COL6A3: variants seen among roughly 807,000 people sequenced by gnomAD.
The protein encoded by COL6A3 is collagen alpha-3(VI) chain.
In COL6A3, 137 loss-of-function variants were observed where a neutral mutation model predicts 274.1. The observed-to-expected ratio is 0.50, with a 90% confidence interval of 0.44 to 0.58. The LOEUF is 0.58. Ranked by LOEUF, COL6A3 falls within the 20% of genes least tolerant of loss-of-function variation. The pLI, the probability that COL6A3 is intolerant of heterozygous loss-of-function variation, is 0.00. For missense variants in COL6A3, 3,950 were observed against 4,124.9 expected (o/e 0.96, Z 1.16); for synonymous variants, 1,650 against 1,650.6 (o/e 1.00, Z 0.01).
At chr2:237,343,713 T>TAAAAAA in intron 36 of COL6A3, 1 of 149,524 alleles carries the variant, frequency 6.7e-6, no homozygotes, top group South Asian at 2.1e-4. Flanking sequence ...GGCATAGTTT[T>TAAAAAA]GGGGACCTCA....
rs111295967 is a variant in COL6A3, at chr2:237,377,176, C to T, written c.2666G>A (p.Arg889His). Residue 889 changes from arginine (R) to histidine (H), a missense_variant, in exon 7 of 44, where the codon CGT becomes CAT. By Grantham distance (29) the Arg-to-His change is conservative (BLOSUM62 0). Around this residue, in one of 5 missense-constraint regions of COL6A3, gnomAD observed 1,934 missense variants for 1,984.3 expected, o/e 0.97. Transcript: ENST00000295550. The part of the protein sequence containing the change: ...QYSDDVKVES[R>H]FDEHQSKPEI... ...AGGCTTACTCTGGTGCTCATCAAAA[C>T]GGGACTCCACCTTGACATCATCGCT... The T allele has an allele frequency of 3.0e-5, 49 of 1,614,158 alleles. No homozygotes were observed. Among genetic ancestry groups the T allele is most frequent in the South Asian group, 7.7e-5 (7 of 91,076 alleles).
chr2:237,348,159 A>C (rs896804325), intron 30 of COL6A3, among the ~76,000 whole-genome samples, 190 bp downstream of exon 30: 16 of 152,232 alleles, frequency 1.1e-4, no homozygotes, highest in African/African-American at 3.6e-4. Context: ...CACCAGGACA[A>C]GTACGTATTA....
intron 1 of COL6A3, among the ~76,000 whole-genome samples, chr2:237,397,677 C>T (rs530966950): frequency 1.3e-5 from 2 of 152,266 alleles, no homozygotes; most frequent in South Asian, 2.1e-4. Flanking sequence ...AAACATAGTT[C>T]AAAGAACACA....
In COL6A3 at chr2:237,341,018, A is replaced by T. The variant is rs773192776; in HGVS notation, c.7898T>A (p.Phe2633Tyr). 6.2e-7 allele frequency: 1 copy of T among 1,614,136 alleles called. No individual in the cohort carries two copies. The change falls in exon 38 of 44, where the codon TTC becomes TAC. Residue 2633 changes from phenylalanine to tyrosine, a missense_variant. Around this residue, in one of 5 missense-constraint regions of COL6A3, gnomAD observed 1,284 missense variants for 1,349.7 expected, o/e 0.95. Coordinates refer to ENST00000295550, the MANE Select transcript of COL6A3 (RefSeq NM_004369.4). ...ILDSAETTTL[F>Y]QFNEMKKYIA... ...GTACTTCTTCATCTCATTGAACTGG[A>T]ACAGGGTGGTGGTCTCAGCGCTGTC...
Position 237,351,232 on chromosome 2 carries a change from AC to A in COL6A3, c.6754-41del, listed in dbSNP as rs776838053. 185 of 1,600,684 alleles carry A rather than the reference AC, an allele frequency of 1.2e-4. 3 individuals are homozygous for A. In the South Asian group the frequency reaches 1.9e-3, roughly 17 times the overall value. On this transcript the variant is annotated intron_variant, in intron 26 of 43. Coordinates refer to ENST00000295550, the MANE Select transcript of COL6A3 (RefSeq NM_004369.4). ...GAGGAATGTGTCAGTGAAGTGGCCA[AC>A]CGTCCAGGCAAATTGGTCTCTGAAA...
intron 1 of COL6A3, among the ~76,000 whole-genome samples, chr2:237,404,803 C>T (rs2078680889): frequency 6.6e-6 from 1 of 152,154 alleles, no homozygotes; most frequent in Non-Finnish European, 1.5e-5. Context: ...TTCCAGAGTG[C>T]TCAATACAAT....
intron 43 of COL6A3, 34 bp from the exon 44 acceptor site, chr2:237,324,848 G>A: frequency 6.2e-7 from 1 of 1,610,444 alleles, no homozygotes; most frequent in Non-Finnish European, 8.5e-7. Flanking sequence ...GTGGGGTGAG[G>A]TGAGGAGCCG....
In COL6A3 at chr2:237,374,700, C is replaced by T. The variant is rs2077786156; in HGVS notation, c.3391G>A (p.Gly1131Ser). The T allele has an allele frequency of 1.9e-6, 3 of 1,613,660 alleles. No individual in the cohort carries two copies. The highest frequency in any genetic ancestry group is 2.5e-6 in the Non-Finnish European group (3 of 1,179,666). The change falls in exon 8 of 44, where the codon GGT becomes AGT. Residue 1131 changes from glycine (G) to serine (S), a missense_variant. By Grantham distance (56) the Gly-to-Ser change is moderately conservative. Coordinates refer to ENST00000295550, the MANE Select transcript of COL6A3 (RefSeq NM_004369.4). The surrounding 1 kb of genome is among the most constrained non-coding windows in gnomAD (Gnocchi z 4.8). ...AGGACGATCAGCAGCTGGGGCACACCTTCTGTTATCCTGCTTCCCGCAGAG... is the reference window on the plus strand; with the variant it reads ...AGGACGATCAGCAGCTGGGGCACACTTTCTGTTATCCTGCTTCCCGCAGAG... Reference protein sequence around the residue: ...VSSAGSRITEGVPQLLIVLTA... With the variant: ...VSSAGSRITESVPQLLIVLTA...
rs1553546746 is a variant in COL6A3, at chr2:237,341,149, G to T, written c.7767C>A (p.Asp2589Glu). The T allele has an allele frequency of 1.9e-6, 3 of 1,614,032 alleles. No homozygotes were observed. The highest frequency in any genetic ancestry group is 2.5e-6 in the Non-Finnish European group (3 of 1,179,960). ...CACAGGATGGGTCGATGTTGCAGATGTCTAGAAAGAAGCATGGCAGCCTAT... is the reference window on the plus strand; with the variant it reads ...CACAGGATGGGTCGATGTTGCAGATTTCTAGAAAGAAGCATGGCAGCCTAT... ...ENVLTCHVCL[D>E]ICNIDPSCGF... The change falls in exon 38 of 44, where the codon GAC becomes GAA. Residue 2589 changes from aspartate to glutamate, a missense_variant and splice_region_variant. Coordinates refer to ENST00000295550, the MANE Select transcript of COL6A3 (RefSeq NM_004369.4).
At chr2:237,359,428 G>T (rs779397896) in intron 17 of COL6A3, 40 bp from the exon 18 acceptor site, 6 of 1,612,172 alleles carry the variant, frequency 3.7e-6, no homozygotes, top group Non-Finnish European at 1.7e-6. Flanking sequence ...AGCTTTTCCT[G>T]CAGGGCTGGT....
In COL6A3 at chr2:237,342,076, T is replaced by C. The variant is rs886043033; in HGVS notation, c.7754A>G (p.His2585Arg). Residue 2585 changes from histidine to arginine, a missense_variant, in exon 37 of 44, where the codon CAT becomes CGT. By Grantham distance (29) the His-to-Arg change is conservative. Around this residue, in one of 5 missense-constraint regions of COL6A3, gnomAD observed 1,284 missense variants for 1,349.7 expected, o/e 0.95. Coordinates refer to ENST00000295550, the MANE Select transcript of COL6A3 (RefSeq NM_004369.4). ...TDFLENVLTC[H>R]VCLDICNIDP... is the part of the protein sequence containing the mutation. ...GAGAAACAGCTTACCCAAGCAAACA[T>C]GACACGTGAGGACATTCTCCAGGAA... The C allele has an allele frequency of 6.2e-7, 1 of 1,614,164 alleles. No homozygotes were observed. The highest frequency in any genetic ancestry group is 8.5e-7 in the Non-Finnish European group (1 of 1,180,014).
At chr2:237,410,752 A>G (rs1167196936) in intron 1 of COL6A3, among the ~76,000 whole-genome samples, 1 of 152,250 alleles carries the variant, frequency 6.6e-6, no homozygotes, top group African/African-American at 2.4e-5. Context: ...TAAGACATTC[A>G]TGACCACACA....
chr2:237,343,523 A>G (rs2077034983), intron 36 of COL6A3: 1 of 4,396 alleles, frequency 2.3e-4, no homozygotes, highest in African/African-American at 1.1e-3. Context: ...TCAAAAAAAA[A>G]AAAAAAAAAA....
chr2:237,354,237 C>T (rs1203842863), intron 24 of COL6A3, among the ~76,000 whole-genome samples: 4 of 151,906 alleles, frequency 2.6e-5, no homozygotes, highest in African/African-American at 7.3e-5. Flanking sequence ...AGGCTAGTCT[C>T]GAACTCCCAA....
chr2:237,336,047 G>A, intron 40 of COL6A3, 88 bp downstream of exon 40: 1 of 1,503,486 alleles, frequency 6.7e-7, no homozygotes, highest in East Asian at 2.3e-5. Context: ...TGTATTCTGA[G>A]TGTGTTACAT....
chr2:237,347,988 G>A lies in COL6A3; in HGVS notation c.6967-119C>T, dbSNP rs976344321. On this transcript the variant is annotated intron_variant, in intron 30 of 43. Coordinates refer to ENST00000295550, the MANE Select transcript of COL6A3 (RefSeq NM_004369.4). Reference sequence around the variant, plus strand: ...CACACTTTTCCCGGGCAGCCAAGTGGTTAGTTTTGATTCACTTTTCCAGTG... The same window carrying A: ...CACACTTTTCCCGGGCAGCCAAGTGATTAGTTTTGATTCACTTTTCCAGTG... 7.5e-6 allele frequency: 7 copies of A among 932,804 alleles called. No homozygotes were observed. The African/African-American group carries it at 1.1e-4, about 15-fold the overall frequency. 57.8% of individuals were successfully genotyped at this position (932,804 alleles called of 1,614,324 possible).
Position 237,378,771 on chromosome 2 carries a change from G to A in COL6A3, c.2362C>T (p.Gln788Ter), listed in dbSNP as rs948586287. Reference protein sequence around the residue: ...ASQANKAELEQIAFNPSLVYL... With the variant: ...ASQANKAELE ...ACCAGGCTTGGGTTAAAAGCAATCTGCTCAAGCTCTGCCTTATTCGCCTGG... is the reference window on the plus strand; with the variant it reads ...ACCAGGCTTGGGTTAAAAGCAATCTACTCAAGCTCTGCCTTATTCGCCTGG... The change falls in exon 6 of 44, where the codon CAG becomes TAG. Residue 788 changes from glutamine to a stop codon, truncating the protein, a stop_gained. Transcript: ENST00000295550. LOFTEE classifies it high-confidence loss of function. The A allele has an allele frequency of 3.1e-6, 5 of 1,614,108 alleles. No individual in the cohort carries two copies. The Admixed American group carries it at 8.3e-5, about 27-fold the overall frequency.
At position 237,394,958 on chromosome 2, in the gene COL6A3, C is replaced by G; in HGVS notation, c.338G>C (p.Gly113Ala). 6.2e-7 allele frequency: 1 copy of G among 1,614,086 alleles called. No homozygotes were observed. Among genetic ancestry groups the G allele is most frequent in the Non-Finnish European group, 8.5e-7 (1 of 1,180,010 alleles). The change falls in exon 3 of 44, where the codon GGG becomes GCG. Residue 113 changes from glycine to alanine, a missense_variant. By Grantham distance (60) the Gly-to-Ala change is moderately conservative. Around this residue, in one of 5 missense-constraint regions of COL6A3, gnomAD observed 1,934 missense variants for 1,984.3 expected, o/e 0.97. Transcript: ENST00000295550. ...LSHISNMSYI[G>A]GTNQTGKGLE... Reference sequence around the variant, plus strand: ...TCCTTTTCCAGTCTGATTGGTTCCCCCAATATAAGACATGTTGGAAATATG... The same window carrying G: ...TCCTTTTCCAGTCTGATTGGTTCCCGCAATATAAGACATGTTGGAAATATG...
At chr2:237,329,470 C>T (rs139135694) in intron 42 of COL6A3, 1 of 152,224 alleles carries the variant, frequency 6.6e-6, no homozygotes, top group Non-Finnish European at 1.5e-5. Context: ...TTGGGCTCAT[C>T]ATAACCCACA....
Sources: gnomAD v4.1 joint callset for allele counts (sites outside exome capture counted in the v4.1 genomes callset) on GRCh38, gnomAD v4.1.1 for gene constraint, gnomAD v4.1.1 regional missense constraint, Gnocchi (gnomAD v3.1) non-coding constraint, MANE v1.5 for transcripts, NCBI Gene and HGNC (gene_info 2026-07-23, HGNC 2026-07-21) for gene names.